SORBS2: variants seen among roughly 807,000 people sequenced by gnomAD.
SORBS2 encodes sorbin and SH3 domain containing 2.
SORBS2 carries 46 observed loss-of-function variants against 97.7 expected under a neutral mutation model. The observed-to-expected ratio is 0.47, with a 90% confidence interval of 0.37 to 0.60. The LOEUF is 0.60. Ranked by LOEUF, SORBS2 falls within the 20% of genes least tolerant of loss-of-function variation. The pLI is 0.00. For missense variants in SORBS2, 1,316 were observed against 1,282.3 expected (o/e 1.03, Z -0.40); for synonymous variants, 476 against 473.4 (o/e 1.01, Z -0.07).
chr4:185,601,675 A>G lies in SORBS2; in HGVS notation c.2797-7740T>C, dbSNP rs535802179. ...CTTGACTAATACAGGGGTTCAATGC[A>G]TATCAGAGCTCTTAGAGAAAAAAAA... On this transcript the variant is annotated intron_variant, in intron 12 of 14. Transcript: ENST00000418609. Among the ~76,000 whole-genome samples, 69 of 152,058 alleles carry G rather than the reference A, an allele frequency of 4.5e-4. No homozygotes were observed. In the South Asian group the frequency reaches 5.8e-3, roughly 13 times the overall value.
chr4:185,627,782 A>G (rs2096840488), intron 5 of SORBS2, among the ~76,000 whole-genome samples: 1 of 151,982 alleles, frequency 6.6e-6, no homozygotes, highest in African/African-American at 2.4e-5. Context: ...TAATGTGTCA[A>G]TCATATAAAA....
intron 4 of SORBS2, among the ~76,000 whole-genome samples, chr4:185,669,799 T>C (rs997107686): frequency 1.3e-5 from 2 of 152,174 alleles, no homozygotes; most frequent in Non-Finnish European, 2.9e-5. Flanking sequence ...AGAAAACTCA[T>C]CAATAATATT....
chr4:185,736,054 C>T (rs1011269751), intron 2 of SORBS2, among the ~76,000 whole-genome samples: 1 of 152,196 alleles, frequency 6.6e-6, no homozygotes, highest in African/African-American at 2.4e-5. Context: ...GCCAAGTCAC[C>T]CAGGTCTCAG....
chr4:185,904,845 C>T (rs932334610), intron 1 of SORBS2, among the ~76,000 whole-genome samples: 2 of 152,210 alleles, frequency 1.3e-5, no homozygotes, highest in African/African-American at 4.8e-5. Context: ...TGGCTCATGC[C>T]TGTAATCCCA....
At position 185,822,505 on chromosome 4, in the gene SORBS2, C is replaced by T. The variant is rs573882301; in HGVS notation, c.-337-47139G>A. On this transcript the variant is annotated intron_variant, in intron 1 of 20. Transcript: ENST00000284776. ...CATGCATATGACAAGGTTGACACAA[C>T]TGCCATGTGCCTGGCAGAGACATTG... Among the ~76,000 whole-genome samples, 4 of 152,372 alleles carry T rather than the reference C, an allele frequency of 2.6e-5. No homozygotes were observed. In the South Asian group the frequency reaches 8.3e-4, roughly 32 times the overall value.
At chr4:185,712,975 T>A (rs2098436771) in intron 2 of SORBS2, among the ~76,000 whole-genome samples, 1 of 152,190 alleles carries the variant, frequency 6.6e-6, no homozygotes. Context: ...TTTTTCTCCC[T>A]TCCTCCATTG....
intron 1 of SORBS2, among the ~76,000 whole-genome samples, chr4:185,783,784 G>T (rs376629411): frequency 1.3e-5 from 2 of 152,188 alleles, no homozygotes; most frequent in African/African-American, 4.8e-5. Context: ...CTCACATTTT[G>T]ACCTTCTAGC....
In SORBS2 at chr4:185,851,773, C is replaced by T. The variant is rs149375348; in HGVS notation, c.-337-76407G>A. ...ACTGGCTTAGCCTCCCAGCCTTCATCTTTCTCCCATGCTAGATGCTTCCTG... is the reference window on the plus strand; with the variant it reads ...ACTGGCTTAGCCTCCCAGCCTTCATTTTTCTCCCATGCTAGATGCTTCCTG... On this transcript the variant is annotated intron_variant, in intron 1 of 20. Coordinates refer to the SORBS2 transcript ENST00000284776. Among the ~76,000 whole-genome samples the T allele has an allele frequency of 3.4e-4, 51 of 152,232 alleles. No individual in the cohort carries two copies. The East Asian group carries it at 8.3e-3, about 25-fold the overall frequency.
intron 12 of SORBS2, among the ~76,000 whole-genome samples, chr4:185,600,733 G>A (rs1476760569): frequency 6.6e-6 from 1 of 152,202 alleles, no homozygotes; most frequent in Non-Finnish European, 1.5e-5. Flanking sequence ...GGGATGCAAG[G>A]TGAGATAGAG....
intron 1 of SORBS2, among the ~76,000 whole-genome samples, chr4:185,939,435 C>T (rs2099270731): frequency 6.6e-6 from 1 of 152,202 alleles, no homozygotes; most frequent in Non-Finnish European, 1.5e-5. Context: ...CCACGTCCCT[C>T]TCTGACTGCT....
intron 1 of SORBS2, among the ~76,000 whole-genome samples, chr4:185,833,328 T>C (rs1388118458): frequency 2.0e-5 from 3 of 152,210 alleles, no homozygotes; most frequent in African/African-American, 7.2e-5. Context: ...TTTCTAAAAG[T>C]CCAGCAAAGC....
chr4:185,896,420 C>A (rs2099245085), intron 1 of SORBS2, among the ~76,000 whole-genome samples: 1 of 152,044 alleles, frequency 6.6e-6, no homozygotes, highest in Non-Finnish European at 1.5e-5. Flanking sequence ...CCCGTCTCTA[C>A]TAAAAATGCA....
rs894541975 is a variant in SORBS2, at chr4:185,607,847, A to T, written c.2796+3933T>A. On this transcript the variant is annotated intron_variant, in intron 12 of 14. Transcript: ENST00000418609. The surrounding 1 kb of genome is among the most constrained non-coding windows in gnomAD (Gnocchi z 5.2). ...GTAGCTGGGACTACAGGCGCATGTC[A>T]CCAGTACAGCTAATTTTTATATTTT... Among the ~76,000 whole-genome samples the T allele has an allele frequency of 1.3e-5, 2 of 151,878 alleles. No individual in the cohort carries two copies. Among genetic ancestry groups the T allele is most frequent in the East Asian group, 3.9e-4 (2 of 5,166 alleles).
chr4:185,624,424 C>T (rs2096775114), exon 7 of SORBS2: 2 of 1,613,986 alleles, frequency 1.2e-6, no homozygotes, highest in South Asian at 2.2e-5. Context: ...AGTAATCTAA[C>T]TCACTGGAGG....
intron 1 of SORBS2, among the ~76,000 whole-genome samples, chr4:185,824,758 G>T (rs1394793772): frequency 6.6e-6 from 1 of 151,870 alleles, no homozygotes; most frequent in Non-Finnish European, 1.5e-5. Flanking sequence ...TTATAAAATT[G>T]AATCAACAAC....
rs115862355 is a variant in SORBS2, at chr4:185,629,127, A to C, written c.446+1422T>G. Among the ~76,000 whole-genome samples, 787 of 152,316 alleles carry C rather than the reference A, an allele frequency of 5.2e-3. 4 individuals carry two copies. Among genetic ancestry groups the C allele is most frequent in the African/African-American group, 0.018 (754 of 41,562 alleles). Reference sequence around the variant, plus strand: ...GTTATCTCAGTTTTACAAATGGTAAAGTGAATACATGTGTCTGGGATGTAC... The same window carrying C: ...GTTATCTCAGTTTTACAAATGGTAACGTGAATACATGTGTCTGGGATGTAC... On this transcript the variant is annotated intron_variant, in intron 5 of 14. Coordinates refer to ENST00000418609, the Ensembl canonical transcript of SORBS2.
intron 2 of SORBS2, among the ~76,000 whole-genome samples, chr4:185,714,904 A>G (rs1299109880): frequency 2.0e-5 from 3 of 152,222 alleles, no homozygotes; most frequent in Non-Finnish European, 4.4e-5. Context: ...ATCAACAGGC[A>G]TGCTACCTAA....
At chr4:185,945,817 G>A (rs563410642) in intron 1 of SORBS2, among the ~76,000 whole-genome samples, 8 of 152,288 alleles carry the variant, frequency 5.3e-5, no homozygotes, top group African/African-American at 1.9e-4. Flanking sequence ...GGAAATGGAG[G>A]GCTTCGGGCC....
chr4:185,718,912 G>A (rs2098487569), intron 2 of SORBS2, among the ~76,000 whole-genome samples: 1 of 152,126 alleles, frequency 6.6e-6, no homozygotes. Context: ...TTCTTTGCAG[G>A]TTTGCTCTAT....
Sources: allele counts gnomAD v4.1 joint callset (sites outside exome capture counted in the v4.1 genomes callset), GRCh38; gene constraint gnomAD v4.1.1; non-coding constraint Gnocchi (gnomAD v3.1); transcripts MANE v1.5; gene names NCBI Gene and HGNC (gene_info 2026-07-23, HGNC 2026-07-21).